Variants in SH3RF2 observed in about 807,000 individuals in gnomAD.
SH3RF2 encodes SH3 domain containing ring finger 2.
A neutral mutation model predicts 59.0 loss-of-function variants in SH3RF2; 43 were observed. The ratio of observed to expected loss-of-function variants is 0.73; its 90% CI spans 0.57 to 0.94. The LOEUF (loss-of-function observed/expected upper bound fraction) is 0.94, where lower values mean the gene tolerates loss of function less well. SH3RF2 is among the 40% of genes least tolerant of loss of function. The pLI is 0.00. For synonymous variants in SH3RF2, 391 were observed against 391.5 expected (o/e 1.00, Z 0.01); for missense variants, 930 against 940.1 (o/e 0.99, Z 0.14).
rs571463833 is a variant in SH3RF2 at position 146,026,249 on chromosome 5, T to G, written c.1059+12188T>G. 2.0e-5 allele frequency among the ~76,000 whole-genome samples: 3 copies of G among 152,292 alleles called. No individual in the cohort carries two copies. The South Asian group carries it at 6.2e-4, about 32-fold the overall frequency. On this transcript the variant is annotated intron_variant, in intron 5 of 9. Coordinates refer to ENST00000359120, the MANE Select transcript of SH3RF2 (RefSeq NM_152550.4). ...CATGAATTATAATTTAAAATATAACTAATAGTCCCTACAATATATAACATC... is the reference window on the plus strand; with the variant it reads ...CATGAATTATAATTTAAAATATAACGAATAGTCCCTACAATATATAACATC...
At chr5:145,991,118 A>C (rs17426347) in intron 2 of SH3RF2, among the ~76,000 whole-genome samples, 86,762 of 151,992 alleles carry the variant, frequency 0.57, 25,316 homozygotes, top group Middle Eastern at 0.79. Flanking sequence ...TATGATGGAA[A>C]AACATGCTAG....
chr5:146,010,929 G>C (rs2149991143), intron 4 of SH3RF2, among the ~76,000 whole-genome samples: 1 of 152,052 alleles, frequency 6.6e-6, no homozygotes, highest in Non-Finnish European at 1.5e-5. Context: ...ATTGCTTTTG[G>C]TGTTATAGAC....
intron 5 of SH3RF2, among the ~76,000 whole-genome samples, chr5:146,040,263 G>T (rs11748238): frequency 0.28 from 43,136 of 152,136 alleles, 7,750 homozygotes; most frequent in Non-Finnish European, 0.38. Context: ...TGGTATGTAT[G>T]CAGGTATCTG....
chr5:146,000,289 G>T lies in SH3RF2; in HGVS notation c.610G>T (p.Asp204Tyr), dbSNP rs139877242. The T allele has an allele frequency of 6.2e-7, 1 of 1,613,618 alleles. No individual in the cohort carries two copies. ...CTACAACTTCGACCTACGAGGCAAG[G>T]ACAAGAGTGAGAACCAGGATTGCCT... The part of the protein sequence containing the change: ...ALYNFDLRGK[D>Y]KSENQDCLTF... The change falls in exon 3 of 10, where the codon GAC becomes TAC. Residue 204 changes from aspartate to tyrosine, a missense_variant. Asp to Tyr is a radical substitution (Grantham distance 160). Transcript: ENST00000359120.
intron 7 of SH3RF2, 136 bp downstream of exon 7, chr5:146,049,381 C>A (rs1762415362): frequency 4.1e-6 from 4 of 977,700 alleles, no homozygotes; most frequent in South Asian, 3.3e-5. Flanking sequence ...CTATAACCCG[C>A]CTATCTCTTT....
intron 2 of SH3RF2, among the ~76,000 whole-genome samples, chr5:145,972,587 G>A (rs1759130583): frequency 6.6e-6 from 1 of 152,146 alleles, no homozygotes; most frequent in South Asian, 2.1e-4. Flanking sequence ...AGAGGCAATG[G>A]GCTAGATGTG....
At chr5:145,978,750 C>G (rs1054310172) in intron 2 of SH3RF2, among the ~76,000 whole-genome samples, 7 of 151,356 alleles carry the variant, frequency 4.6e-5, no homozygotes, top group African/African-American at 1.7e-4. Context: ...ACTGTGTGAA[C>G]AATCTCATAA....
exon 10 of SH3RF2, chr5:146,078,982 C>CT (rs1314375521): frequency 1.3e-5 from 2 of 152,316 alleles, no homozygotes; most frequent in Non-Finnish European, 2.9e-5. Flanking sequence ...CCCAGCCCGA[C>CT]TCCCCACCAA....
rs1417014089 is a variant in SH3RF2, at chr5:146,048,994, T to C, written c.1152-81T>C. 16 of 1,524,978 alleles carry C rather than the reference T, an allele frequency of 1.0e-5. No individual in the cohort carries two copies. The East Asian group carries it at 2.5e-4, about 24-fold the overall frequency. The allele number at this position is 1,524,978 out of a possible 1,614,324, so 94.5% of individuals were successfully genotyped here. A position where few individuals can be genotyped will look rare whatever the true frequency, so the allele number is the denominator to read the frequency against. On this transcript the variant is annotated intron_variant, in intron 6 of 9. Transcript: ENST00000359120. Reference sequence around the variant, plus strand: ...TCTTATTGCTAACCACTGGGCAGTCTCTCTCCACCATTCCCCCACTCCATG... The same window carrying C: ...TCTTATTGCTAACCACTGGGCAGTCCCTCTCCACCATTCCCCCACTCCATG...
At chr5:146,052,245 G>A (rs145976795) in intron 7 of SH3RF2, among the ~76,000 whole-genome samples, 1 of 152,238 alleles carries the variant, frequency 6.6e-6, no homozygotes, top group Non-Finnish European at 1.5e-5. Context: ...AACTCTCCCG[G>A]GAAAATCAAG....
At chr5:145,957,770 T>A (rs1389379592) in intron 2 of SH3RF2, among the ~76,000 whole-genome samples, 1 of 152,014 alleles carries the variant, frequency 6.6e-6, no homozygotes, top group Non-Finnish European at 1.5e-5. Flanking sequence ...ACTTCAACAA[T>A]GTTCACCTGC....
chr5:146,058,400 G>A (rs189565885), intron 8 of SH3RF2, among the ~76,000 whole-genome samples: 4 of 152,240 alleles, frequency 2.6e-5, no homozygotes, highest in Non-Finnish European at 4.4e-5. Context: ...GAACCCCACA[G>A]GGCCGTTAGT....
chr5:146,040,385 G>A (rs1039120900), intron 5 of SH3RF2, among the ~76,000 whole-genome samples: 1 of 152,054 alleles, frequency 6.6e-6, no homozygotes, highest in Non-Finnish European at 1.5e-5. Flanking sequence ...CAGACCAGAA[G>A]TGGGAAGTGG....
chr5:146,019,488 T>C (rs1761228211), intron 5 of SH3RF2, among the ~76,000 whole-genome samples: 1 of 152,222 alleles, frequency 6.6e-6, no homozygotes, highest in South Asian at 2.1e-4. Context: ...TTTATACCAG[T>C]ACCATGCTAT....
intron 2 of SH3RF2, among the ~76,000 whole-genome samples, chr5:145,954,869 G>A (rs1483479089): frequency 4.9e-5 from 6 of 121,348 alleles, no homozygotes; most frequent in South Asian, 3.3e-4. Flanking sequence ...AGCAAGGAGC[G>A]AGAGAGAGAG....
At chr5:146,025,299 C>T (rs2150000155) in intron 5 of SH3RF2, among the ~76,000 whole-genome samples, 1 of 152,348 alleles carries the variant, frequency 6.6e-6, no homozygotes, top group Middle Eastern at 3.4e-3. Context: ...AACAGCCACC[C>T]CTTTTTCCAC....
intron 5 of SH3RF2, among the ~76,000 whole-genome samples, chr5:146,026,481 G>A (rs1216516042): frequency 6.6e-6 from 1 of 152,132 alleles, no homozygotes; most frequent in African/African-American, 2.4e-5. Context: ...TGCGTTAATT[G>A]GCTAACAGCA....
At chr5:145,947,123 T>G (rs1275892300) in intron 2 of SH3RF2, among the ~76,000 whole-genome samples, 2 of 150,510 alleles carry the variant, frequency 1.3e-5, no homozygotes, top group Non-Finnish European at 3.0e-5. Flanking sequence ...CTGTACCCAT[T>G]GAACAATAAC....
chr5:145,956,406 G>T (rs1333042338), intron 2 of SH3RF2, among the ~76,000 whole-genome samples: 2 of 152,112 alleles, frequency 1.3e-5, no homozygotes, highest in African/African-American at 4.8e-5. Context: ...CCTCCGAGTA[G>T]CTGGGATTAC....
Sources: gnomAD v4.1 joint callset for allele counts (sites outside exome capture counted in the v4.1 genomes callset) on GRCh38, gnomAD v4.1.1 for gene constraint, MANE v1.5 for transcripts, NCBI Gene and HGNC (gene_info 2026-07-23, HGNC 2026-07-21) for gene names.